METTL24: variants seen among roughly 807,000 people sequenced by gnomAD.
The protein encoded by METTL24 is probable methyltransferase-like protein 24.
A neutral mutation model predicts 32.7 loss-of-function variants in METTL24; 29 were observed. The ratio of observed to expected loss-of-function variants is 0.89; its 90% CI spans 0.66 to 1.21. The LOEUF is 1.21. METTL24 is among the 50% of genes most tolerant of loss of function. The pLI is 0.00. For synonymous variants in METTL24, 163 were observed against 179.5 expected, an observed-to-expected ratio of 0.91 and a Z score of 0.73; for missense variants, 439 against 468.1, an observed-to-expected ratio of 0.94 and a Z score of 0.57.
chr6:110,318,651 CAAA>C (rs56890760), intron 2 of METTL24, among the ~76,000 whole-genome samples: 7 of 90,570 alleles, frequency 7.7e-5, no homozygotes, highest in Non-Finnish European at 1.2e-4. Flanking sequence ...GACTCTACCT[CAAA>C]AAAAAAAAAA....
chr6:110,358,263 C>A lies in METTL24; in HGVS notation c.10G>T (p.Glu4Ter), dbSNP rs1772743234. The A allele has an allele frequency of 6.8e-7, 1 of 1,477,286 alleles. No individual in the cohort carries two copies. Among genetic ancestry groups the A allele is most frequent in the Non-Finnish European group, 8.9e-7 (1 of 1,120,972 alleles). 91.5% of individuals were successfully genotyped at this position (1,477,286 alleles called of 1,614,324 possible). The change falls in exon 1 of 5, where the codon GAG becomes TAG. Residue 4 changes from glutamate to a stop codon, truncating the protein, a stop_gained. Coordinates refer to ENST00000338882, the MANE Select transcript of METTL24 (RefSeq NM_001123364.3). LOFTEE classifies it high-confidence loss of function. MAR[E>*]RPPGRGCGVL... is the part of the protein sequence containing the mutation. ...CCGCAGCCCCTCCCGGGCGGCCTCT[C>A]CCGGGCCATGGCGCTACACTCGGGG...
intron 4 of METTL24, among the ~76,000 whole-genome samples, chr6:110,263,721 T>C (rs1458640826): frequency 6.6e-6 from 1 of 152,092 alleles, no homozygotes; most frequent in Non-Finnish European, 1.5e-5. Context: ...CTTCAAACTA[T>C]ACTACAAGGC....
intron 3 of METTL24, among the ~76,000 whole-genome samples, chr6:110,309,901 A>T (rs765184409): frequency 2.3e-4 from 35 of 152,090 alleles, no homozygotes; most frequent in Non-Finnish European, 4.4e-4. Flanking sequence ...CAAAACAAAA[A>T]ACCCTTTCCT....
intron 4 of METTL24, among the ~76,000 whole-genome samples, chr6:110,283,815 C>T (rs1436653298): frequency 6.6e-6 from 1 of 152,118 alleles, no homozygotes; most frequent in Non-Finnish European, 1.5e-5. Context: ...TCCACAATTC[C>T]ACTTCTGGGA....
At chr6:110,248,744 A>G (rs888648235) in intron 4 of METTL24, among the ~76,000 whole-genome samples, 4 of 151,672 alleles carry the variant, frequency 2.6e-5, no homozygotes, top group African/African-American at 4.8e-5. Context: ...ATATAGTGAG[A>G]CCTCATCTCT....
chr6:110,326,774 A>T (rs1171160234), intron 1 of METTL24, among the ~76,000 whole-genome samples: 1 of 152,180 alleles, frequency 6.6e-6, no homozygotes, highest in Non-Finnish European at 1.5e-5. Flanking sequence ...ATCCTATTAC[A>T]TACTCCACCC....
chr6:110,319,463 G>GATA (rs1488217120), intron 2 of METTL24, among the ~76,000 whole-genome samples: 2 of 109,950 alleles, frequency 1.8e-5, no homozygotes, highest in East Asian at 5.3e-4. Context: ...ATAGATAGAT[G>GATA]ACAGACAGAA....
intron 4 of METTL24, among the ~76,000 whole-genome samples, chr6:110,298,592 C>T (rs1771463010): frequency 6.6e-6 from 1 of 151,842 alleles, no homozygotes; most frequent in African/African-American, 2.4e-5. Flanking sequence ...GTAGTTTGCT[C>T]TTTCTGGAAA....
At chr6:110,249,624 A>G (rs950226373) in intron 4 of METTL24, among the ~76,000 whole-genome samples, 2 of 152,046 alleles carry the variant, frequency 1.3e-5, no homozygotes, top group Admixed American at 1.3e-4. Context: ...TATTATTGTT[A>G]TTATAAAGCA....
At chr6:110,303,267 GT>G (rs1055787497) in intron 3 of METTL24, among the ~76,000 whole-genome samples, 23 of 150,154 alleles carry the variant, frequency 1.5e-4, no homozygotes, top group African/African-American at 4.4e-4. Context: ...AGCTGCAGGA[GT>G]TTTTTTTTTC....
chr6:110,335,598 A>C (rs7767145), intron 1 of METTL24, among the ~76,000 whole-genome samples: 1 of 132,976 alleles, frequency 7.5e-6, no homozygotes, highest in Non-Finnish European at 1.6e-5. Context: ...TTTTTTTATG[A>C]AAAAAATGTT....
chr6:110,307,594 T>C (rs1185020175), intron 3 of METTL24, among the ~76,000 whole-genome samples: 1 of 152,136 alleles, frequency 6.6e-6, no homozygotes, highest in East Asian at 1.9e-4. Flanking sequence ...GTTGCACACA[T>C]CACTTCCATT....
chr6:110,280,648 T>TC (rs1771121356), intron 4 of METTL24, among the ~76,000 whole-genome samples: 1 of 151,884 alleles, frequency 6.6e-6, no homozygotes, highest in Non-Finnish European at 1.5e-5. Flanking sequence ...AGCAGAGATT[T>TC]CTTTTTTTTT....
At chr6:110,339,046 T>C (rs1393966069) in intron 1 of METTL24, among the ~76,000 whole-genome samples, 1 of 152,254 alleles carries the variant, frequency 6.6e-6, no homozygotes, top group African/African-American at 2.4e-5. Context: ...TGGATAGTGA[T>C]GTTGTGCAGA....
intron 3 of METTL24, among the ~76,000 whole-genome samples, chr6:110,314,749 C>A (rs1008087807): frequency 1.3e-5 from 2 of 152,040 alleles, no homozygotes; most frequent in African/African-American, 2.4e-5. Context: ...ATTGCTTGAG[C>A]TCAGGAGTTC....
intron 4 of METTL24, among the ~76,000 whole-genome samples, chr6:110,260,851 A>G (rs2114699375): frequency 6.6e-6 from 1 of 152,354 alleles, no homozygotes; most frequent in South Asian, 2.1e-4. Context: ...CCAGAATTTC[A>G]TATCCAGCCA....
At chr6:110,254,498 G>A (rs1778347558) in intron 4 of METTL24, among the ~76,000 whole-genome samples, 1 of 152,092 alleles carries the variant, frequency 6.6e-6, no homozygotes, top group African/African-American at 2.4e-5. Flanking sequence ...TGGGCATGGT[G>A]GCATGCACCT....
chr6:110,350,975 G>T lies in METTL24; in HGVS notation c.318+6980C>A, dbSNP rs920959856. Reference sequence around the variant, plus strand: ...TACAAAAAATTAGCTGGGCGTGGTGGCAGGCGCCTGTAATCCCAGCTACTT... The same window carrying T: ...TACAAAAAATTAGCTGGGCGTGGTGTCAGGCGCCTGTAATCCCAGCTACTT... On this transcript the variant is annotated intron_variant, in intron 1 of 4. Coordinates refer to ENST00000338882, the MANE Select transcript of METTL24 (RefSeq NM_001123364.3). Among the ~76,000 whole-genome samples, 16 of 152,100 alleles carry T rather than the reference G, an allele frequency of 1.1e-4. 2 individuals carry two copies. The East Asian group carries it at 3.1e-3, about 29-fold the overall frequency.
At chr6:110,348,900 T>C (rs541622329) in intron 1 of METTL24, among the ~76,000 whole-genome samples, 18 of 152,350 alleles carry the variant, frequency 1.2e-4, no homozygotes, top group African/African-American at 2.4e-4. Context: ...ACAAGAATCA[T>C]TGCATTTAAC....
Sources: allele counts gnomAD v4.1 joint callset (sites outside exome capture counted in the v4.1 genomes callset), GRCh38; gene constraint gnomAD v4.1.1; transcripts MANE v1.5; gene names NCBI Gene and HGNC (gene_info 2026-07-23, HGNC 2026-07-21).